KIZ: variants seen among roughly 807,000 people sequenced by gnomAD.
KIZ encodes centrosomal protein kizuna.
KIZ carries 68 observed loss-of-function variants against 79.6 expected under a neutral mutation model. The ratio of observed to expected loss-of-function variants is 0.85; its 90% CI spans 0.70 to 1.05. The LOEUF (loss-of-function observed/expected upper bound fraction) is 1.05, where lower values mean the gene tolerates loss of function less well. Among genes scored for constraint, KIZ ranks in the 50% least tolerant of loss-of-function variants. The pLI, the probability that KIZ is intolerant of heterozygous loss-of-function variation, is 0.00. For synonymous variants in KIZ, 280 were observed against 281.8 expected, an observed-to-expected ratio of 0.99 and a Z score of 0.06; for missense variants, 797 against 800.4, an observed-to-expected ratio of 1.00 and a Z score of 0.05.
At chr20:21,192,279 ATTTTTT>A (rs1260846529) in intron 6 of KIZ, among the ~76,000 whole-genome samples, 2 of 91,114 alleles carry the variant, frequency 2.2e-5, no homozygotes, top group African/African-American at 4.2e-5. Flanking sequence ...TCATTTCTGG[ATTTTTT>A]TTTTTTTTTT....
At chr20:21,204,340 C>T (rs1221767016) in intron 6 of KIZ, among the ~76,000 whole-genome samples, 1 of 151,702 alleles carries the variant, frequency 6.6e-6, no homozygotes, top group East Asian at 1.9e-4. Context: ...TGGTCTCGAT[C>T]TCCTGACCTC....
At chr20:21,200,183 T>C (rs2035532163) in intron 6 of KIZ, among the ~76,000 whole-genome samples, 1 of 152,058 alleles carries the variant, frequency 6.6e-6, no homozygotes, top group Non-Finnish European at 1.5e-5. Flanking sequence ...CCTTAAAGGA[T>C]TGTTTGGTGT....
chr20:21,183,711 A>G (rs1453328677), intron 6 of KIZ, among the ~76,000 whole-genome samples: 2 of 152,058 alleles, frequency 1.3e-5, no homozygotes, highest in Non-Finnish European at 2.9e-5. Context: ...TGTCCCTTTT[A>G]ACCCTTTTTA....
intron 6 of KIZ, chr20:21,166,475 A>G (rs1198099755): frequency 2.5e-6 from 4 of 1,575,760 alleles, no homozygotes; most frequent in Admixed American, 3.3e-5. Flanking sequence ...ATGCTTCATC[A>G]TCACAATGAG....
At chr20:21,180,302 T>C (rs2034600873) in intron 6 of KIZ, among the ~76,000 whole-genome samples, 5 of 151,772 alleles carry the variant, frequency 3.3e-5, no homozygotes, top group Admixed American at 3.3e-4. Context: ...CGATGACAAC[T>C]CTTTTCCTAG....
chr20:21,193,553 C>G (rs528080220), intron 6 of KIZ, among the ~76,000 whole-genome samples: 1 of 152,164 alleles, frequency 6.6e-6, no homozygotes, highest in African/African-American at 2.4e-5. Flanking sequence ...GACACATGGA[C>G]ACCTATGTTT....
At chr20:21,241,404 T>C (rs953350183) in intron 11 of KIZ, among the ~76,000 whole-genome samples, 1 of 152,224 alleles carries the variant, frequency 6.6e-6, no homozygotes, top group Non-Finnish European at 1.5e-5. Context: ...TCTGCCCTTC[T>C]CCGTGGGTAG....
chr20:21,159,176 A>C (rs1378357736), intron 4 of KIZ, among the ~76,000 whole-genome samples: 1 of 151,656 alleles, frequency 6.6e-6, no homozygotes, highest in Non-Finnish European at 1.5e-5. Context: ...TTAATTAAAA[A>C]AATTTTTTTT....
intron 3 of KIZ, among the ~76,000 whole-genome samples, chr20:21,143,141 GT>G (rs1480537534): frequency 6.6e-6 from 1 of 152,096 alleles, no homozygotes; most frequent in Non-Finnish European, 1.5e-5. Context: ...ACAAAAGACT[GT>G]GAAGCTTAGT....
intron 7 of KIZ, among the ~76,000 whole-genome samples, chr20:21,211,747 TG>T (rs2036076412): frequency 6.6e-6 from 1 of 152,252 alleles, no homozygotes; most frequent in African/African-American, 2.4e-5. Context: ...CTGGAACATC[TG>T]CAAACAGTAC....
rs532764850 is a variant in KIZ, at chr20:21,178,014, A to T, written c.1352+14855A>T. On this transcript the variant is annotated intron_variant, in intron 6 of 12. Transcript: ENST00000619189. The stretch of plus-strand genomic sequence containing the variant: ...ATATATTTTGAAATCAGGACGTGTG[A>T]TGCCTCCAGCTTTTTCTTCTTTCTC... Among the ~76,000 whole-genome samples, 124 of 152,208 alleles carry T rather than the reference A, an allele frequency of 8.1e-4. 3 individuals carry two copies. Among genetic ancestry groups the T allele is most frequent in the Non-Finnish European group, 7.5e-4 (51 of 67,956 alleles).
rs111932357 is a variant in KIZ, at chr20:21,246,456, A to G, written c.1925-23A>G. 1.3e-3 allele frequency: 1,863 copies of G among 1,456,914 alleles called. 29 individuals are homozygous for G. In the African/African-American group the frequency reaches 0.024, roughly 19 times the overall value. 90.2% of individuals were successfully genotyped at this position (1,456,914 alleles called of 1,614,324 possible). The stretch of plus-strand genomic sequence containing the variant: ...TAACCAGAATGCAAAAATGTTAAAT[A>G]ACTGTCTGGTTTTATTTTCCAGCCC... On this transcript the variant is annotated intron_variant, in intron 12 of 12. Transcript: ENST00000619189.
chr20:21,224,254 C>A (rs927731870), intron 9 of KIZ, among the ~76,000 whole-genome samples: 10 of 152,260 alleles, frequency 6.6e-5, no homozygotes, highest in Non-Finnish European at 2.9e-5. Flanking sequence ...GCTGGGATTA[C>A]AGGCTTGAGC....
intron 6 of KIZ, chr20:21,166,181 AT>A: frequency 9.6e-7 from 1 of 1,043,598 alleles, no homozygotes; most frequent in South Asian, 1.5e-5. Context: ...GAGGCATTTT[AT>A]TTGTAAATAT....
chr20:21,130,995 G>C (rs79788983), intron 1 of KIZ, among the ~76,000 whole-genome samples: 2 of 152,186 alleles, frequency 1.3e-5, no homozygotes, highest in Non-Finnish European at 2.9e-5. Flanking sequence ...AGGATTCTTT[G>C]CTTGGATAGA....
At chr20:21,213,360 G>T (rs1048507248) in intron 7 of KIZ, among the ~76,000 whole-genome samples, 1 of 152,230 alleles carries the variant, frequency 6.6e-6, no homozygotes, top group Non-Finnish European at 1.5e-5. Context: ...CACAAGGAAG[G>T]TTGTTTTTTC....
chr20:21,231,568 A>G (rs1010668110), intron 10 of KIZ, among the ~76,000 whole-genome samples: 3 of 152,194 alleles, frequency 2.0e-5, no homozygotes, highest in Admixed American at 2.0e-4. Context: ...CTGGCAGTAG[A>G]ATCATGGAAG....
At chr20:21,134,931 T>C (rs2032092684) in intron 2 of KIZ, among the ~76,000 whole-genome samples, 1 of 152,126 alleles carries the variant, frequency 6.6e-6, no homozygotes, top group Non-Finnish European at 1.5e-5. Flanking sequence ...CCTCCCAAAA[T>C]GCTGGGATTA....
At chr20:21,211,864 A>G (rs1397022231) in intron 7 of KIZ, among the ~76,000 whole-genome samples, 1 of 152,208 alleles carries the variant, frequency 6.6e-6, no homozygotes, top group Non-Finnish European at 1.5e-5. Flanking sequence ...CCAGGAACGC[A>G]GATCACGTGA....
Sources: gnomAD v4.1 joint callset for allele counts (sites outside exome capture counted in the v4.1 genomes callset) on GRCh38, gnomAD v4.1.1 for gene constraint, MANE v1.5 for transcripts, NCBI Gene and HGNC (gene_info 2026-07-23, HGNC 2026-07-21) for gene names.